The following AGBL4 variants were observed in gnomAD, a reference collection of about 807,000 sequenced individuals.
The protein encoded by AGBL4 is AGBL carboxypeptidase 4.
Under a neutral mutation model 66.4 loss-of-function variants are expected in AGBL4, and 58 were observed. The ratio of observed to expected loss-of-function variants is 0.87; its 90% CI spans 0.71 to 1.09. AGBL4 has a LOEUF of 1.09. Ranked by LOEUF, AGBL4 falls within the 50% of genes least tolerant of loss-of-function variation. AGBL4 has a pLI of 0.00. For synonymous variants in AGBL4, 234 were observed against 222.9 expected (o/e 1.05, Z -0.44); for missense variants, 579 against 631.0 (o/e 0.92, Z 0.88).
intron 9 of AGBL4, among the ~76,000 whole-genome samples, chr1:48,598,038 T>A (rs939764931): frequency 1.3e-5 from 2 of 152,086 alleles, no homozygotes; most frequent in African/African-American, 2.4e-5. Flanking sequence ...GAGTGTATTG[T>A]TTTCAAAAAC....
At chr1:49,688,911 T>A (rs1293030873) in intron 3 of AGBL4, among the ~76,000 whole-genome samples, 2 of 152,348 alleles carry the variant, frequency 1.3e-5, no homozygotes, top group South Asian at 2.1e-4. Context: ...TGCCCATTTT[T>A]AAATCATATT....
At chr1:49,918,308 G>T (rs1256404412) in intron 1 of AGBL4, among the ~76,000 whole-genome samples, 1 of 152,020 alleles carries the variant, frequency 6.6e-6, no homozygotes, top group Non-Finnish European at 1.5e-5. Context: ...CTGGTTTTTT[G>T]AAAAGATCAA....
intron 5 of AGBL4, among the ~76,000 whole-genome samples, chr1:49,002,510 G>C (rs1004726238): frequency 1.3e-5 from 2 of 152,088 alleles, no homozygotes; most frequent in African/African-American, 4.8e-5. Context: ...AAAATTAAAA[G>C]AACAATTTCT....
intron 3 of AGBL4, among the ~76,000 whole-genome samples, chr1:49,257,050 T>C (rs1652568305): frequency 6.6e-6 from 1 of 150,452 alleles, no homozygotes; most frequent in African/African-American, 2.4e-5. Context: ...TTTTTTTTTT[T>C]ACAAAAAGCA....
chr1:49,872,500 G>A (rs1325246746), intron 1 of AGBL4, among the ~76,000 whole-genome samples: 1 of 152,034 alleles, frequency 6.6e-6, no homozygotes, highest in Non-Finnish European at 1.5e-5. Flanking sequence ...CTGACTTGTG[G>A]CTAAGTAAAA....
intron 6 of AGBL4, among the ~76,000 whole-genome samples, chr1:48,795,350 T>A (rs368909463): frequency 6.6e-6 from 1 of 152,208 alleles, no homozygotes; most frequent in Non-Finnish European, 1.5e-5. Context: ...TCTCTTTGCT[T>A]CAGTCAAACT....
intron 6 of AGBL4, among the ~76,000 whole-genome samples, chr1:48,755,210 G>C (rs527709589): frequency 6.6e-6 from 1 of 152,302 alleles, no homozygotes; most frequent in South Asian, 2.1e-4. Context: ...CCTGGCTGCT[G>C]ACGGACCTGC....
intron 1 of AGBL4, among the ~76,000 whole-genome samples, chr1:49,914,640 A>C (rs926381330): frequency 2.0e-5 from 3 of 152,180 alleles, no homozygotes; most frequent in African/African-American, 7.2e-5. Flanking sequence ...TATTACGCAG[A>C]TCCAAAGCCA....
chr1:48,579,544 T>C (rs1644705173), intron 11 of AGBL4, among the ~76,000 whole-genome samples: 1 of 150,778 alleles, frequency 6.6e-6, no homozygotes, highest in African/African-American at 2.4e-5. Context: ...CCCAGCCCCA[T>C]ATTGTTTTCG....
At chr1:49,525,320 G>A (rs1238070511) in intron 3 of AGBL4, among the ~76,000 whole-genome samples, 1 of 152,002 alleles carries the variant, frequency 6.6e-6, no homozygotes, top group Non-Finnish European at 1.5e-5. Flanking sequence ...ACCTGCTGTA[G>A]AGTGAGTGGT....
chr1:49,845,277 A>G, intron 2 of AGBL4: 1 of 1,557,874 alleles, frequency 6.4e-7, no homozygotes, highest in Non-Finnish European at 8.8e-7. Context: ...CCTTCAACCA[A>G]ATTGCCCCAC....
chr1:49,517,858 C>G (rs989248888), intron 3 of AGBL4, among the ~76,000 whole-genome samples: 10 of 151,994 alleles, frequency 6.6e-5, no homozygotes, highest in Non-Finnish European at 1.3e-4. Context: ...TGGCAAACTG[C>G]TGCTGCTACC....
chr1:49,564,767 A>G, intron 3 of AGBL4, among the ~76,000 whole-genome samples: 1 of 152,296 alleles, frequency 6.6e-6, no homozygotes, highest in South Asian at 2.1e-4. Flanking sequence ...GTGGTGCTGA[A>G]AAGAATGTAT....
intron 3 of AGBL4, among the ~76,000 whole-genome samples, chr1:49,423,426 G>A (rs1317567264): frequency 6.6e-6 from 1 of 152,126 alleles, no homozygotes; most frequent in Non-Finnish European, 1.5e-5. Flanking sequence ...AGGCATGAGA[G>A]GACAATGGAA....
chr1:49,562,823 T>A lies in AGBL4; in HGVS notation c.282+134490A>T, dbSNP rs754331079. Reference sequence around the variant, plus strand: ...TGTTGATTCCATATGGACTTTAAAGTAGTTATTTCCAATTCTGTGAAGAAA... The same window carrying A: ...TGTTGATTCCATATGGACTTTAAAGAAGTTATTTCCAATTCTGTGAAGAAA... On this transcript the variant is annotated intron_variant, in intron 3 of 13. Coordinates refer to ENST00000371839, the MANE Select transcript of AGBL4 (RefSeq NM_032785.4). Among the ~76,000 whole-genome samples the A allele has an allele frequency of 3.5e-4, 54 of 152,140 alleles. 1 individual carries two copies. Among genetic ancestry groups the A allele is most frequent in the Admixed American group, 5.9e-4 (9 of 15,256 alleles).
intron 4 of AGBL4, among the ~76,000 whole-genome samples, chr1:49,158,409 T>A (rs899231912): frequency 1.3e-5 from 2 of 152,204 alleles, no homozygotes; most frequent in African/African-American, 4.8e-5. Flanking sequence ...AGTTCTAATT[T>A]GATTGCACTG....
chr1:48,700,273 C>CA (rs1646781072), intron 6 of AGBL4, among the ~76,000 whole-genome samples: 2 of 152,242 alleles, frequency 1.3e-5, no homozygotes, highest in Non-Finnish European at 2.9e-5. Flanking sequence ...GAAGCTGGAG[C>CA]AAGTTATCCA....
intron 4 of AGBL4, among the ~76,000 whole-genome samples, chr1:49,115,554 T>G (rs1426046141): frequency 6.6e-6 from 1 of 152,122 alleles, no homozygotes; most frequent in African/African-American, 2.4e-5. Context: ...GGTCAATAAA[T>G]ATATACGTGT....
At chr1:48,855,615 C>A (rs1158366088) in intron 6 of AGBL4, among the ~76,000 whole-genome samples, 1 of 151,644 alleles carries the variant, frequency 6.6e-6, no homozygotes, top group Non-Finnish European at 1.5e-5. Flanking sequence ...GGTCTTTGAC[C>A]CAAAAATTCC....
Sources: gnomAD v4.1 joint callset for allele counts (sites outside exome capture counted in the v4.1 genomes callset) on GRCh38, gnomAD v4.1.1 for gene constraint, MANE v1.5 for transcripts, NCBI Gene and HGNC (gene_info 2026-07-23, HGNC 2026-07-21) for gene names.